Variants in KITLG observed in about 807,000 individuals in gnomAD.
The protein encoded by KITLG is c-Kit ligand.
KITLG carries 13 observed loss-of-function variants against 34.1 expected under a neutral mutation model. The ratio of observed to expected loss-of-function variants is 0.38; its 90% confidence interval spans 0.25 to 0.61. The LOEUF is 0.61. KITLG is among the 20% of genes least tolerant of loss of function. KITLG has a pLI of 0.60. For missense variants in KITLG, 292 were observed against 318.9 expected, an observed-to-expected ratio of 0.92 and a Z score of 0.64; for synonymous variants, 110 against 104.0, an observed-to-expected ratio of 1.06 and a Z score of -0.35.
chr12:88,511,292 C>T (rs1178482336), intron 6 of KITLG, among the ~76,000 whole-genome samples: 1 of 152,154 alleles, frequency 6.6e-6, no homozygotes, highest in Non-Finnish European at 1.5e-5. Context: ...TATGAGGCAA[C>T]TCTTTTCAGA....
chr12:88,548,385 C>T (rs372941543), intron 1 of KITLG, among the ~76,000 whole-genome samples: 8 of 151,652 alleles, frequency 5.3e-5, no homozygotes, highest in African/African-American at 1.9e-4. Context: ...ACCCGTGAGG[C>T]GGAGGTTGCA....
chr12:88,568,298 T>C (rs1477546579), intron 1 of KITLG, among the ~76,000 whole-genome samples: 1 of 149,442 alleles, frequency 6.7e-6, no homozygotes, highest in Non-Finnish European at 1.5e-5. Flanking sequence ...TATTTATTTA[T>C]TTATTTATTT....
intron 2 of KITLG, among the ~76,000 whole-genome samples, chr12:88,534,467 G>A (rs1241758957): frequency 6.6e-6 from 1 of 151,874 alleles, no homozygotes; most frequent in Non-Finnish European, 1.5e-5. Flanking sequence ...TCCACCTCCT[G>A]GGCTTAAGGA....
At chr12:88,518,330 C>T (rs941295153) in intron 4 of KITLG, among the ~76,000 whole-genome samples, 1 of 152,022 alleles carries the variant, frequency 6.6e-6, no homozygotes, top group Non-Finnish European at 1.5e-5. Flanking sequence ...TTACATTATG[C>T]ATAAAAGGAT....
At chr12:88,511,858 G>A (rs1338311630) in intron 6 of KITLG, among the ~76,000 whole-genome samples, 1 of 152,026 alleles carries the variant, frequency 6.6e-6, no homozygotes, top group Non-Finnish European at 1.5e-5. Flanking sequence ...ACCCAAGAAA[G>A]TTTAAAAACA....
intron 6 of KITLG, 57 bp downstream of exon 6, chr12:88,515,477 A>ACTC: frequency 9.6e-7 from 1 of 1,042,246 alleles, no homozygotes; most frequent in Non-Finnish European, 1.5e-6. Context: ...CCCATGCAAT[A>ACTC]CTCCTATAGG....
At chr12:88,548,055 G>A (rs1303935667) in intron 1 of KITLG, among the ~76,000 whole-genome samples, 2 of 152,180 alleles carry the variant, frequency 1.3e-5, no homozygotes, top group South Asian at 2.1e-4. Flanking sequence ...CTGCCTTACT[G>A]GTGATCTTGG....
intron 1 of KITLG, among the ~76,000 whole-genome samples, chr12:88,562,802 G>T (rs1364638451): frequency 6.6e-6 from 1 of 152,134 alleles, no homozygotes; most frequent in Admixed American, 6.6e-5. Context: ...TTTAATGAAT[G>T]AACAATCATT....
intron 3 of KITLG, among the ~76,000 whole-genome samples, chr12:88,526,863 C>CTTTTTTT (rs10532642): frequency 1.3e-5 from 1 of 79,982 alleles, no homozygotes; most frequent in African/African-American, 4.1e-5. Context: ...TCAGTATAGT[C>CTTTTTTT]TTTTTTTTTT....
At chr12:88,507,541 A>T (rs1869108877) in intron 6 of KITLG, among the ~76,000 whole-genome samples, 1 of 152,208 alleles carries the variant, frequency 6.6e-6, no homozygotes, top group Admixed American at 6.5e-5. Context: ...GACATTTTAC[A>T]ACCTGGATCA....
intron 1 of KITLG, among the ~76,000 whole-genome samples, chr12:88,556,001 G>C (rs1387341088): frequency 6.6e-6 from 1 of 151,988 alleles, no homozygotes; most frequent in Admixed American, 6.6e-5. Flanking sequence ...TGGGGAGGGG[G>C]GCATTTGGGG....
chr12:88,505,107 C>T, intron 9 of KITLG, 52 bp downstream of exon 9: 2 of 943,928 alleles, frequency 2.1e-6, no homozygotes, highest in Admixed American at 4.2e-5. Flanking sequence ...TACCCTAGAA[C>T]TTAAAGTATA....
chr12:88,576,309 T>A (rs1194685120), intron 1 of KITLG, among the ~76,000 whole-genome samples: 1 of 152,212 alleles, frequency 6.6e-6, no homozygotes, highest in Non-Finnish European at 1.5e-5. Flanking sequence ...TAAACAGATA[T>A]TAGCCTATCA....
chr12:88,558,812 G>A (rs77278946), intron 1 of KITLG, among the ~76,000 whole-genome samples: 2 of 152,104 alleles, frequency 1.3e-5, no homozygotes, highest in Non-Finnish European at 2.9e-5. Context: ...ATTTTAGATA[G>A]TTCATGAGTG....
chr12:88,505,246 AT>A lies in KITLG; in HGVS notation c.783-12del. 6.2e-7 allele frequency: 1 copy of A among 1,603,708 alleles called. No homozygotes were observed. Among genetic ancestry groups the A allele is most frequent in the Non-Finnish European group, 8.5e-7 (1 of 1,170,772 alleles). On this transcript the variant is annotated splice_polypyrimidine_tract_variant and intron_variant, in intron 8 of 9. Coordinates refer to ENST00000644744, the MANE Select transcript of KITLG (RefSeq NM_000899.5). ...TTCTCTTGCAACATACTGAAAAACA[AT>A]AAGAAAAAATGCTTATTTGCTCTTG...
intron 9 of KITLG, among the ~76,000 whole-genome samples, chr12:88,500,183 T>C (rs1375484801): frequency 6.6e-6 from 1 of 152,194 alleles, no homozygotes; most frequent in Non-Finnish European, 1.5e-5. Flanking sequence ...ACTGACTTAG[T>C]TTACGCCATG....
chr12:88,531,297 A>G (rs193182522), intron 3 of KITLG, among the ~76,000 whole-genome samples: 5 of 152,332 alleles, frequency 3.3e-5, no homozygotes, highest in Admixed American at 3.3e-4. Context: ...TTGGAATGAA[A>G]AAGTCCAGCT....
At chr12:88,506,905 T>C in intron 7 of KITLG, 123 bp downstream of exon 7, 1 of 666,066 alleles carries the variant, frequency 1.5e-6, no homozygotes, top group Non-Finnish European at 2.6e-6. Flanking sequence ...AATTTAAATT[T>C]TGTTTAGATT....
intron 6 of KITLG, among the ~76,000 whole-genome samples, chr12:88,508,556 C>CGT (rs139771009): frequency 0.15 from 22,156 of 147,536 alleles, 1,745 homozygotes; most frequent in Non-Finnish European, 0.19. Context: ...TGTGTGCTCA[C>CGT]GTGTGTGTGT....
Sources: allele counts gnomAD v4.1 joint callset (sites outside exome capture counted in the v4.1 genomes callset), GRCh38; gene constraint gnomAD v4.1.1; transcripts MANE v1.5; gene names NCBI Gene and HGNC (gene_info 2026-07-23, HGNC 2026-07-21).